The following LRRTM4 variants were observed in gnomAD, a reference collection of about 807,000 sequenced individuals.
The protein encoded by LRRTM4 is leucine-rich repeat transmembrane neuronal protein 4.
In LRRTM4, 25 loss-of-function variants were observed where a neutral mutation model predicts 47.6. The observed-to-expected ratio is 0.53, with a 90% confidence interval of 0.38 to 0.73. The LOEUF is 0.73. Among genes scored for constraint, LRRTM4 ranks in the 30% least tolerant of loss-of-function variants. LRRTM4 has a pLI of 0.00. For synonymous variants in LRRTM4, 311 were observed against 269.5 expected, an observed-to-expected ratio of 1.15 and a Z score of -1.51; for missense variants, 638 against 713.4, an observed-to-expected ratio of 0.89 and a Z score of 1.20.
At chr2:77,367,136 G>T (rs1672490457) in intron 3 of LRRTM4, among the ~76,000 whole-genome samples, 1 of 151,626 alleles carries the variant, frequency 6.6e-6, no homozygotes, top group Admixed American at 6.6e-5. Context: ...GGCTTGGAAT[G>T]ACCTTCCTTG....
intron 3 of LRRTM4, among the ~76,000 whole-genome samples, chr2:76,807,457 T>TATATATATAC (rs1553412656): frequency 2.7e-4 from 25 of 94,166 alleles, no homozygotes; most frequent in South Asian, 3.7e-4. Context: ...TATATATATA[T>TATATATATAC]ACATATATAT....
intron 3 of LRRTM4, among the ~76,000 whole-genome samples, chr2:77,346,132 C>A (rs770777027): frequency 7.2e-4 from 110 of 151,824 alleles, no homozygotes; most frequent in Non-Finnish European, 1.5e-3. Flanking sequence ...TGTATGATTC[C>A]GTTATATGGC....
At chr2:76,865,005 T>C (rs1300735877) in intron 3 of LRRTM4, among the ~76,000 whole-genome samples, 1 of 151,678 alleles carries the variant, frequency 6.6e-6, no homozygotes, top group Non-Finnish European at 1.5e-5. Context: ...CAAATCTTGA[T>C]TCTTACTTAA....
At chr2:77,053,396 A>G (rs1055462269) in intron 3 of LRRTM4, among the ~76,000 whole-genome samples, 2 of 152,206 alleles carry the variant, frequency 1.3e-5, no homozygotes, top group South Asian at 2.1e-4. Context: ...GCATAGTAGA[A>G]CAAAGTATTT....
At chr2:77,423,139 T>A (rs868246940) in intron 3 of LRRTM4, among the ~76,000 whole-genome samples, 1 of 152,142 alleles carries the variant, frequency 6.6e-6, no homozygotes, top group South Asian at 2.1e-4. Flanking sequence ...TATTGCTAGA[T>A]AATGGCCCAT....
At chr2:76,816,774 G>A (rs1251416407) in intron 3 of LRRTM4, among the ~76,000 whole-genome samples, 3 of 140,210 alleles carry the variant, frequency 2.1e-5, no homozygotes, top group South Asian at 2.3e-4. Context: ...TTCTCATGAC[G>A]TGCAAGTGGG....
chr2:76,835,334 A>G (rs1225850035), intron 3 of LRRTM4, among the ~76,000 whole-genome samples: 3 of 152,104 alleles, frequency 2.0e-5, no homozygotes, highest in Admixed American at 6.6e-5. Context: ...GCATAGATTT[A>G]TAAGGTGAGA....
intron 3 of LRRTM4, among the ~76,000 whole-genome samples, chr2:76,968,338 GTGTATATATA>G (rs1211011065): frequency 2.2e-5 from 2 of 89,850 alleles, no homozygotes; most frequent in Admixed American, 1.3e-4. Context: ...GTGTGTATGT[GTGTATATATA>G]TATATATATA....
chr2:76,853,719 T>C (rs529914215), intron 3 of LRRTM4, among the ~76,000 whole-genome samples: 2 of 152,276 alleles, frequency 1.3e-5, no homozygotes, highest in East Asian at 1.9e-4. Flanking sequence ...AGGCATACAA[T>C]ATATCACAAA....
intron 3 of LRRTM4, among the ~76,000 whole-genome samples, chr2:77,049,122 TTATATATATA>T (rs3058032): frequency 1.1e-4 from 7 of 62,684 alleles, no homozygotes; most frequent in African/African-American, 1.8e-4. Flanking sequence ...ATTTCATTTT[TTATATATATA>T]TATATATATA....
Position 76,793,490 on chromosome 2 carries a change from A to C in LRRTM4, c.1552-44574T>G, listed in dbSNP as rs144562908. 2.6e-3 allele frequency among the ~76,000 whole-genome samples: 390 copies of C among 152,238 alleles called. 2 individuals are homozygous for C. Among genetic ancestry groups the C allele is most frequent in the African/African-American group, 9.0e-3 (374 of 41,542 alleles). On this transcript the variant is annotated intron_variant, in intron 3 of 3. Transcript: ENST00000409884. Reference sequence around the variant, plus strand: ...TTCTATCTACTTTAAGATAAGTAGGATTTTGATTAATTATTTGTGGACAAT... The same window carrying C: ...TTCTATCTACTTTAAGATAAGTAGGCTTTTGATTAATTATTTGTGGACAAT...
At chr2:76,878,544 T>C (rs896357458) in intron 3 of LRRTM4, among the ~76,000 whole-genome samples, 14 of 151,614 alleles carry the variant, frequency 9.2e-5, no homozygotes, top group African/African-American at 2.4e-4. Context: ...GTTAGAAGTC[T>C]AGTCCAGTGA....
intron 3 of LRRTM4, among the ~76,000 whole-genome samples, chr2:77,119,584 A>C (rs1671474337): frequency 6.6e-6 from 1 of 151,856 alleles, no homozygotes. Flanking sequence ...TAAGAGAGAT[A>C]CTGAAGATAG....
chr2:77,511,198 G>T (rs1034350199), intron 3 of LRRTM4, among the ~76,000 whole-genome samples: 3 of 152,132 alleles, frequency 2.0e-5, no homozygotes, highest in African/African-American at 7.2e-5. Flanking sequence ...TCCTTTTCAT[G>T]TATCTTCCAC....
At chr2:77,286,138 T>C (rs1453394593) in intron 3 of LRRTM4, among the ~76,000 whole-genome samples, 1 of 152,052 alleles carries the variant, frequency 6.6e-6, no homozygotes, top group Non-Finnish European at 1.5e-5. Flanking sequence ...ATTTTCAGAG[T>C]TGAAAAAATT....
At chr2:77,482,730 A>G (rs1677755313) in intron 3 of LRRTM4, among the ~76,000 whole-genome samples, 1 of 152,334 alleles carries the variant, frequency 6.6e-6, no homozygotes, top group South Asian at 2.1e-4. Flanking sequence ...TCCTTTATTT[A>G]TAATGTATTT....
chr2:76,837,895 A>G (rs1290107371), intron 3 of LRRTM4, among the ~76,000 whole-genome samples: 2 of 148,076 alleles, frequency 1.4e-5, no homozygotes, highest in South Asian at 2.3e-4. Context: ...ATGAGAACAT[A>G]TGGACACAGG....
intron 3 of LRRTM4, among the ~76,000 whole-genome samples, chr2:76,806,512 C>A (rs6726439): frequency 0.13 from 19,768 of 152,000 alleles, 1,571 homozygotes; most frequent in East Asian, 0.3. Context: ...ACCCAGCTGG[C>A]GGAGGTTGCA....
At chr2:76,845,277 G>T (rs934297007) in intron 3 of LRRTM4, among the ~76,000 whole-genome samples, 1 of 152,118 alleles carries the variant, frequency 6.6e-6, no homozygotes, top group Non-Finnish European at 1.5e-5. Flanking sequence ...GATCACTTGA[G>T]CCCAGGAGTT....
Sources: gnomAD v4.1 joint callset for allele counts (sites outside exome capture counted in the v4.1 genomes callset) on GRCh38, gnomAD v4.1.1 for gene constraint, MANE v1.5 for transcripts, NCBI Gene and HGNC (gene_info 2026-07-23, HGNC 2026-07-21) for gene names.